Variants in UNC79 observed in about 807,000 individuals in gnomAD.
The protein encoded by UNC79 is unc-79 subunit of NALCN channel complex.
Under a neutral mutation model 283.1 loss-of-function variants are expected in UNC79, and 37 were observed. The ratio of observed to expected loss-of-function variants is 0.13; its 90% CI spans 0.10 to 0.17. The LOEUF (loss-of-function observed/expected upper bound fraction) is 0.17, where lower values mean the gene tolerates loss of function less well. UNC79 is among the 10% of genes least tolerant of loss of function. The probability of loss-of-function intolerance (pLI) is 1.00; values close to 1 mark genes in which losing one functional copy is unlikely to be tolerated. For missense variants in UNC79, 2,272 were observed against 3,211.1 expected (o/e 0.71, Z 7.07); for synonymous variants, 1,107 against 1,200.2 (o/e 0.92, Z 1.61).
intron 30 of UNC79, among the ~76,000 whole-genome samples, chr14:93,626,056 AAAAC>A (rs2067547885): frequency 6.6e-6 from 1 of 152,224 alleles, no homozygotes; most frequent in African/African-American, 2.4e-5. Context: ...TAAAAAAAGA[AAAAC>A]AAAAACACAT....
intron 2 of UNC79, among the ~76,000 whole-genome samples, chr14:93,470,521 G>T (rs990085701): frequency 6.6e-6 from 1 of 152,150 alleles, no homozygotes; most frequent in Non-Finnish European, 1.5e-5. Context: ...TAGCTTGCTA[G>T]CCCTTGTGTC....
chr14:93,473,772 C>A (rs2057650046), intron 2 of UNC79, among the ~76,000 whole-genome samples: 1 of 152,154 alleles, frequency 6.6e-6, no homozygotes, highest in South Asian at 2.1e-4. Flanking sequence ...TCCCAGGAAA[C>A]CTCTCCTTCA....
At chr14:93,639,083 G>A (rs943321) in intron 32 of UNC79, among the ~76,000 whole-genome samples, 2 of 152,308 alleles carry the variant, frequency 1.3e-5, no homozygotes, top group East Asian at 1.9e-4. Context: ...TAATTAGTTT[G>A]AAACTGCCAG....
chr14:93,463,662 T>G (rs1295882434), intron 1 of UNC79, among the ~76,000 whole-genome samples: 1 of 151,928 alleles, frequency 6.6e-6, no homozygotes, highest in East Asian at 1.9e-4. Flanking sequence ...ATATGTGGAG[T>G]GTATACCAGG....
At chr14:93,414,144 G>A (rs1271715824) in intron 1 of UNC79, among the ~76,000 whole-genome samples, 1 of 151,076 alleles carries the variant, frequency 6.6e-6, no homozygotes, top group African/African-American at 2.4e-5. Flanking sequence ...TTTCTTCTAG[G>A]GTTTTTATGG....
chr14:93,471,832 G>A (rs967863704), intron 2 of UNC79, among the ~76,000 whole-genome samples: 2 of 151,928 alleles, frequency 1.3e-5, no homozygotes, highest in African/African-American at 4.8e-5. Context: ...TTCCCTCCCT[G>A]CATGTATGAA....
chr14:93,500,464 G>GA (rs984406062), intron 7 of UNC79, among the ~76,000 whole-genome samples: 24 of 149,364 alleles, frequency 1.6e-4, no homozygotes, highest in East Asian at 7.8e-4. Context: ...AAAGATCACA[G>GA]AAAAAAAAAA....
upstream of UNC79, among the ~76,000 whole-genome samples, chr14:93,429,089 T>A (rs760695497): frequency 2.6e-5 from 4 of 152,236 alleles, no homozygotes; most frequent in Non-Finnish European, 4.4e-5. Flanking sequence ...TACTGTTTTC[T>A]TTATCAAAGC....
At chr14:93,659,093 A>AT in intron 38 of UNC79, 100 bp from the exon 42 acceptor site, 1 of 902,294 alleles carries the variant, frequency 1.1e-6, no homozygotes, top group Non-Finnish European at 1.6e-6. Flanking sequence ...CATATTTCAG[A>AT]TTTTCCTTTT....
intron 2 of UNC79, among the ~76,000 whole-genome samples, chr14:93,469,865 G>A (rs998063751): frequency 7.9e-5 from 12 of 152,142 alleles, no homozygotes; most frequent in Admixed American, 6.5e-4. Context: ...CTGGGTGACA[G>A]AGCGACACCC....
In UNC79 at chr14:93,662,877, AACACACAC is replaced by A. The variant is rs35000706; in HGVS notation, c.6636+183_6636+190del. ...AATACCATGGTAAGGAAACACTTTA[AACACACAC>A]ACACACACACACACACACAAACACA... On this transcript the variant is annotated intron_variant, in intron 40 of 48. Transcript: ENST00000555664. Among the ~76,000 whole-genome samples, 292 of 148,592 alleles carry A rather than the reference AACACACAC, an allele frequency of 2.0e-3. 1 individual carries two copies. Among genetic ancestry groups the A allele is most frequent in the African/African-American group, 6.8e-3 (275 of 40,670 alleles).
At chr14:93,510,303 T>C (rs1022339782) in intron 7 of UNC79, among the ~76,000 whole-genome samples, 8 of 152,368 alleles carry the variant, frequency 5.3e-5, no homozygotes, top group African/African-American at 1.9e-4. Flanking sequence ...GTCTTGGATA[T>C]TAACATTTGG....
intron 41 of UNC79, among the ~76,000 whole-genome samples, chr14:93,678,505 T>C (rs1204462871): frequency 6.6e-6 from 1 of 152,242 alleles, no homozygotes; most frequent in African/African-American, 2.4e-5. Flanking sequence ...AGATAGACCA[T>C]ACCTTTGTGT....
chr14:93,617,058 T>C lies in UNC79; in HGVS notation c.4042-64T>C. On this transcript the variant is annotated intron_variant, in intron 27 of 48. Coordinates refer to ENST00000555664, the Ensembl canonical transcript of UNC79. This position sits in a 1 kb window ranked among gnomAD's most constrained non-coding sequence, Gnocchi z 4.5. Reference sequence around the variant, plus strand: ...TAACCACTGGGATGGCTCAAATTTTTCCTTTTGACCTCTGAGTGTTCTTTG... The same window carrying C: ...TAACCACTGGGATGGCTCAAATTTTCCCTTTTGACCTCTGAGTGTTCTTTG... 3 of 1,460,068 alleles carry C rather than the reference T, an allele frequency of 2.1e-6. No individual in the cohort carries two copies. Among genetic ancestry groups the C allele is most frequent in the South Asian group, 2.9e-5 (2 of 68,014 alleles). 90.4% of individuals were successfully genotyped at this position (1,460,068 alleles called of 1,614,324 possible). A position where few individuals can be genotyped will look rare whatever the true frequency, so the allele number is the denominator to read the frequency against.
intron 7 of UNC79, among the ~76,000 whole-genome samples, chr14:93,522,052 T>G (rs1180282793): frequency 1.3e-5 from 2 of 151,830 alleles, no homozygotes; most frequent in Non-Finnish European, 2.9e-5. Flanking sequence ...ATCTACAACC[T>G]GTTCTTAACA....
intron 16 of UNC79, among the ~76,000 whole-genome samples, chr14:93,573,905 C>T (rs552931684): frequency 9.2e-5 from 14 of 151,988 alleles, no homozygotes; most frequent in Non-Finnish European, 1.5e-4. Flanking sequence ...CTTGGGAGGC[C>T]GAGCCGGGAG....
chr14:93,519,490 A>G (rs1247304381), intron 7 of UNC79, among the ~76,000 whole-genome samples: 1 of 151,822 alleles, frequency 6.6e-6, no homozygotes, highest in African/African-American at 2.4e-5. Context: ...CTTTTAGACC[A>G]TTTACATTAG....
At chr14:93,445,582 T>A (rs1402612583) in intron 1 of UNC79, among the ~76,000 whole-genome samples, 1 of 152,232 alleles carries the variant, frequency 6.6e-6, no homozygotes. Context: ...TTTCTTGTGA[T>A]ATTTTTGTCT....
At chr14:93,537,928 A>T in intron 11 of UNC79, 61 bp from the exon 12 acceptor site, 2 of 1,520,562 alleles carry the variant, frequency 1.3e-6, no homozygotes, top group Non-Finnish European at 1.8e-6. Context: ...ATTTATTCTG[A>T]TTCTTAGCCA....
Sources: allele counts gnomAD v4.1 joint callset (sites outside exome capture counted in the v4.1 genomes callset), GRCh38; gene constraint gnomAD v4.1.1; non-coding constraint Gnocchi (gnomAD v3.1); transcripts MANE v1.5; gene names NCBI Gene and HGNC (gene_info 2026-07-23, HGNC 2026-07-21).